ROS1: variants seen among roughly 807,000 people sequenced by gnomAD.
ROS1 encodes ROS proto-oncogene 1, receptor tyrosine kinase.
In ROS1, 263 loss-of-function variants were observed where a neutral mutation model predicts 273.5. That is an observed-to-expected ratio of 0.96 (90% CI 0.87 to 1.06). ROS1 has a LOEUF of 1.06. Ranked by LOEUF, ROS1 falls within the 50% of genes least tolerant of loss-of-function variation. ROS1 has a pLI of 0.00. For synonymous variants in ROS1, 1,008 were observed against 954.1 expected (o/e 1.06, Z -1.04); for missense variants, 2,833 against 2,751.1 (o/e 1.03, Z -0.67).
chr6:117,393,438 G>A (rs1773232849), intron 11 of ROS1, 117 bp from the exon 12 acceptor site: 17 of 685,120 alleles, frequency 2.5e-5, no homozygotes, highest in Non-Finnish European at 1.5e-5. Context: ...ACTGAGCACT[G>A]CCCAAGACAA....
In ROS1 at chr6:117,382,101, A is replaced by G. The variant is rs192270696; in HGVS notation, c.2481+1216T>C. On this transcript the variant is annotated intron_variant, in intron 17 of 43. Transcript: ENST00000368507. The stretch of plus-strand genomic sequence containing the variant: ...ATAATATTATCAATATGTTTTTACA[A>G]AAATGAAAATGCTTTTCCCTAACAA... Among the ~76,000 whole-genome samples, 71 of 152,338 alleles carry G rather than the reference A, an allele frequency of 4.7e-4. No individual in the cohort carries two copies. In the East Asian group the frequency reaches 7.5e-3, roughly 16 times the overall value.
At position 117,311,170 on chromosome 6, in the gene ROS1, T is replaced by C. The variant is rs1775517607; in HGVS notation, c.6118-53A>G. On this transcript the variant is annotated intron_variant, in intron 39 of 43. Coordinates refer to ENST00000368507, the MANE Select transcript of ROS1 (RefSeq NM_001378902.1). ...GTAGTTATCTAGTTTGCATGAAATATATACATATATGTGTGAATATAAGTG... is the reference window on the plus strand; with the variant it reads ...GTAGTTATCTAGTTTGCATGAAATACATACATATATGTGTGAATATAAGTG... 14 of 1,023,638 alleles carry C rather than the reference T, an allele frequency of 1.4e-5. No homozygotes were observed. The East Asian group carries it at 3.4e-4, about 25-fold the overall frequency. 63.4% of individuals were successfully genotyped at this position (1,023,638 alleles called of 1,614,324 possible).
chr6:117,383,460 C>A lies in ROS1; in HGVS notation c.2338G>T (p.Val780Leu), dbSNP rs763408803. 6.2e-7 allele frequency: 1 copy of A among 1,614,082 alleles called. No individual in the cohort carries two copies. Among genetic ancestry groups the A allele is most frequent in the Non-Finnish European group, 8.5e-7 (1 of 1,179,952 alleles). ...ACCATGTCATTCACCAATAGCTTCA[C>A]GTGGGTAACAATGTCTGTGTGTCCC... ...LTGHTDIVTH[V>L]KLLVNDMVVD... is the part of the protein sequence containing the mutation. The change falls in exon 17 of 44, where the codon GTG (valine) becomes TTG (leucine). Residue 780 changes from valine (V) to leucine (L), a missense_variant. By Grantham distance (32) the Val-to-Leu change is conservative. Coordinates refer to ENST00000368507, the MANE Select transcript of ROS1 (RefSeq NM_001378902.1).
intron 7 of ROS1, among the ~76,000 whole-genome samples, chr6:117,402,276 A>C (rs542693199): frequency 6.6e-6 from 1 of 152,244 alleles, no homozygotes; most frequent in African/African-American, 2.4e-5. Flanking sequence ...CAGGCCACAG[A>C]TGTTCTTGCC....
chr6:117,300,887 C>A (rs1432741790), intron 43 of ROS1, 87 bp downstream of exon 43: 1 of 1,086,764 alleles, frequency 9.2e-7, no homozygotes, highest in Non-Finnish European at 1.3e-6. Context: ...TTGCCTACCC[C>A]AAAATGCTTT....
intron 17 of ROS1, 45 bp downstream of exon 17, chr6:117,383,272 G>C: frequency 7.3e-7 from 1 of 1,363,516 alleles, no homozygotes; most frequent in East Asian, 2.3e-5. Flanking sequence ...CATAAATATA[G>C]AGCTATTCAG....
intron 32 of ROS1, among the ~76,000 whole-genome samples, chr6:117,335,037 C>T (rs775821248): frequency 8.5e-5 from 13 of 152,170 alleles, no homozygotes; most frequent in Non-Finnish European, 1.9e-4. Flanking sequence ...AAGAAACTAT[C>T]ATCAGAGTGA....
chr6:117,344,234 G>A lies in ROS1; in HGVS notation c.4332C>T (p.Asp1444=). Residue 1444 remains aspartate, a synonymous_variant, in exon 28 of 44, where the codon GAC becomes GAT. Transcript: ENST00000368507. ...PDKAFLSLAS[D]TVEPTILNAT... ...CATTAAGTATAGTTGGTTCCACAGT[G>A]TCTGAAGCTAGAGACAGAAACGCTT... 1 of 1,613,848 alleles carries A rather than the reference G, an allele frequency of 6.2e-7. No homozygotes were observed. The highest frequency in any genetic ancestry group is 2.2e-5 in the East Asian group (1 of 44,856).
At chr6:117,365,282 C>T (rs1277660447) in intron 20 of ROS1, 78 bp from the exon 21 acceptor site, 1 of 1,410,872 alleles carries the variant, frequency 7.1e-7, no homozygotes, top group Non-Finnish European at 9.5e-7. Context: ...CTAAAATCTC[C>T]AAACTTTAGT....
chr6:117,358,360 T>C (rs1303238098), intron 24 of ROS1, among the ~76,000 whole-genome samples: 2 of 152,152 alleles, frequency 1.3e-5, no homozygotes. Context: ...CCTCTTTTTC[T>C]CCTGCATTTT....
chr6:117,308,648 C>A (rs906546321), intron 42 of ROS1, 146 bp downstream of exon 42: 30 of 733,002 alleles, frequency 4.1e-5, no homozygotes, highest in Non-Finnish European at 5.8e-5. Context: ...CAAATTGACA[C>A]AATGAATTGA....
At chr6:117,409,525 G>A (rs1774723671) in intron 5 of ROS1, 57 bp downstream of exon 5, 1 of 1,217,868 alleles carries the variant, frequency 8.2e-7, no homozygotes, top group Non-Finnish European at 1.2e-6. Flanking sequence ...CTTTACATAA[G>A]TACAAGTCAC....
intron 5 of ROS1, among the ~76,000 whole-genome samples, chr6:117,406,976 C>T (rs1774457393): frequency 6.6e-6 from 1 of 151,990 alleles, no homozygotes; most frequent in African/African-American, 2.4e-5. Flanking sequence ...CATGGCTCCT[C>T]ATGAGATTGC....
At chr6:117,303,659 A>G (rs2128540541) in intron 42 of ROS1, among the ~76,000 whole-genome samples, 1 of 152,334 alleles carries the variant, frequency 6.6e-6, no homozygotes, top group South Asian at 2.1e-4. Context: ...ACAACACTAC[A>G]AGGGGAAGCT....
chr6:117,339,249 A>G (rs1296889784), intron 31 of ROS1, among the ~76,000 whole-genome samples: 5 of 152,126 alleles, frequency 3.3e-5, no homozygotes, highest in African/African-American at 1.2e-4. Context: ...TAATGTTAGT[A>G]TATTTTACAT....
At chr6:117,388,111 T>C in intron 13 of ROS1, 119 bp from the exon 14 acceptor site, 3 of 1,440,728 alleles carry the variant, frequency 2.1e-6, no homozygotes, top group Non-Finnish European at 2.9e-6. Flanking sequence ...TGGGCAGTAA[T>C]ATCCGCTACC....
intron 15 of ROS1, 27 bp downstream of exon 15, chr6:117,386,862 C>T (rs368946779): frequency 2.6e-6 from 3 of 1,153,924 alleles, no homozygotes; most frequent in Non-Finnish European, 3.9e-6. Flanking sequence ...ATCTGTCATT[C>T]AAGTGAACAG....
At chr6:117,298,255 G>A (rs1774407308) in intron 43 of ROS1, among the ~76,000 whole-genome samples, 1 of 151,908 alleles carries the variant, frequency 6.6e-6, no homozygotes, top group African/African-American at 2.4e-5. Context: ...TACTTAATGG[G>A]TACAAGGTAC....
At chr6:117,372,065 C>T (rs13212354) in intron 18 of ROS1, among the ~76,000 whole-genome samples, 8,063 of 152,210 alleles carry the variant, frequency 0.053, 349 homozygotes, top group Middle Eastern at 0.078. Flanking sequence ...TGATTAAAAC[C>T]TCAGCAACAC....
Sources: allele counts gnomAD v4.1 joint callset (sites outside exome capture counted in the v4.1 genomes callset), GRCh38; gene constraint gnomAD v4.1.1; transcripts MANE v1.5; gene names NCBI Gene and HGNC (gene_info 2026-07-23, HGNC 2026-07-21).